DNAH8: variants seen among roughly 807,000 people sequenced by gnomAD.
The protein encoded by DNAH8 is axonemal beta dynein heavy chain 8.
A neutral mutation model predicts 562.1 loss-of-function variants in DNAH8; 382 were observed. That is an observed-to-expected ratio of 0.68 (90% CI 0.63 to 0.74). The LOEUF (loss-of-function observed/expected upper bound fraction) is 0.74, where lower values mean the gene tolerates loss of function less well. DNAH8 is among the 30% of genes least tolerant of loss of function. The probability of loss-of-function intolerance (pLI) is 0.00; values close to 1 mark genes in which losing one functional copy is unlikely to be tolerated. For missense variants in DNAH8, 5,203 were observed against 5,620.4 expected, an observed-to-expected ratio of 0.93 and a Z score of 2.37; for synonymous variants, 1,881 against 1,919.4, an observed-to-expected ratio of 0.98 and a Z score of 0.52.
intron 26 of DNAH8, 32 bp from the exon 27 acceptor site, chr6:38,822,806 G>C (rs1173305191): frequency 2.8e-6 from 4 of 1,434,276 alleles, no homozygotes; most frequent in Non-Finnish European, 3.7e-6. Context: ...GAATATAGAA[G>C]TTATTTATAG....
chr6:38,782,784 C>G (rs562586520), intron 16 of DNAH8, among the ~76,000 whole-genome samples: 1 of 152,076 alleles, frequency 6.6e-6, no homozygotes, highest in Admixed American at 6.6e-5. Flanking sequence ...CTTTCTAAAC[C>G]CTTTGTTTCC....
chr6:38,780,187 A>G, intron 15 of DNAH8, 122 bp downstream of exon 15: 1 of 918,818 alleles, frequency 1.1e-6, no homozygotes, highest in Non-Finnish European at 1.6e-6. Flanking sequence ...GCTAAGGAGC[A>G]TTGACGCTCC....
At chr6:38,982,903 A>G (rs1337141381) in intron 86 of DNAH8, among the ~76,000 whole-genome samples, 1 of 152,268 alleles carries the variant, frequency 6.6e-6, no homozygotes, top group Non-Finnish European at 1.5e-5. Context: ...ATTCATCATC[A>G]TATGACACTT....
In DNAH8 at chr6:38,782,918, T is replaced by C. The variant is rs1768781214; in HGVS notation, c.2260-86T>C. 5 of 1,222,586 alleles carry C rather than the reference T, an allele frequency of 4.1e-6. No individual in the cohort carries two copies. In the East Asian group the frequency reaches 7.4e-5, roughly 18 times the overall value. The allele number at this position is 1,222,586 out of a possible 1,614,324, so 75.7% of individuals were successfully genotyped here. A position where few individuals can be genotyped will look rare whatever the true frequency, so the allele number is the denominator to read the frequency against. ...AAACTGGTAGCATAATTATTTGATATCATTTTACATATAAGTACTTTCATT... is the reference window on the plus strand; with the variant it reads ...AAACTGGTAGCATAATTATTTGATACCATTTTACATATAAGTACTTTCATT... On this transcript the variant is annotated intron_variant, in intron 16 of 92. Coordinates refer to ENST00000327475, the MANE Select transcript of DNAH8 (RefSeq NM_001206927.2).
At chr6:38,754,487 T>C (rs11966033) in intron 9 of DNAH8, among the ~76,000 whole-genome samples, 4,874 of 152,296 alleles carry the variant, frequency 0.032, 244 homozygotes, top group African/African-American at 0.11. Context: ...TCCATAGTTA[T>C]ACCCCACACC....
Position 38,737,799 on chromosome 6 carries a change from T to C in DNAH8, c.953-10T>C. ...AAATTAGTATTAAATGTCTTTTTTT[T>C]CCTTTTTAGGTGCTAGAATAAGTAT... On this transcript the variant is annotated splice_polypyrimidine_tract_variant and intron_variant, in intron 6 of 92. Coordinates refer to ENST00000327475, the MANE Select transcript of DNAH8 (RefSeq NM_001206927.2). The C allele has an allele frequency of 1.4e-6, 2 of 1,396,346 alleles. No individual in the cohort carries two copies. The highest frequency in any genetic ancestry group is 1.9e-6 in the Non-Finnish European group (2 of 1,064,166). The allele number at this position is 1,396,346 out of a possible 1,614,324, so 86.5% of individuals were successfully genotyped here.
In DNAH8 at chr6:38,770,513, T is replaced by C. The variant is rs764722886; in HGVS notation, c.1718T>C (p.Met573Thr). The C allele has an allele frequency of 1.9e-6, 3 of 1,604,276 alleles. No homozygotes were observed. The highest frequency in any genetic ancestry group is 1.3e-5 in the African/African-American group (1 of 74,202). Residue 573 changes from methionine to threonine, a missense_variant, in exon 12 of 93, where the codon ATG becomes ACG. Met to Thr is a moderately conservative substitution (Grantham distance 81). Transcript: ENST00000327475. ...SGEKSFEVSEMYIFGKFEAFC... is the reference protein window; with the variant it reads ...SGEKSFEVSETYIFGKFEAFC... Reference sequence around the variant, plus strand: ...GAAAAATCTTTTGAGGTTTCAGAAATGTATATATTTGGAAAATTTGAAGCT... The same window carrying C: ...GAAAAATCTTTTGAGGTTTCAGAAACGTATATATTTGGAAAATTTGAAGCT...
At chr6:38,820,224 CA>C (rs1331835050) in intron 26 of DNAH8, among the ~76,000 whole-genome samples, 2 of 151,976 alleles carry the variant, frequency 1.3e-5, no homozygotes, top group Non-Finnish European at 2.9e-5. Flanking sequence ...TTTAGTGATC[CA>C]AAGATAGATA....
chr6:38,778,517 T>A, intron 14 of DNAH8, 53 bp downstream of exon 14: 1 of 1,095,524 alleles, frequency 9.1e-7, no homozygotes, highest in South Asian at 1.4e-5. Flanking sequence ...ACTTTAAATC[T>A]AAAAATACAA....
At position 38,873,247 on chromosome 6, in the gene DNAH8, GA is replaced by G. The variant is rs1777609411; in HGVS notation, c.7494del (p.Lys2498AsnfsTer11). On this transcript the variant is annotated frameshift_variant, in exon 52 of 93. Coordinates refer to ENST00000327475, the MANE Select transcript of DNAH8 (RefSeq NM_001206927.2). LOFTEE classifies it high-confidence loss of function. ...WRPILQAWLK[K>X]RTAQEAAVFL... ...TTTCTTTGTTGCAGGCATGGTTGAA[GA>G]AACGCACTGCACAGGAAGCTGCTGT... 23 of 1,613,114 alleles carry G rather than the reference GA, an allele frequency of 1.4e-5. No individual in the cohort carries two copies. The highest frequency in any genetic ancestry group is 2.7e-5 in the African/African-American group (2 of 74,876).
At position 38,883,841 on chromosome 6, in the gene DNAH8, C is replaced by T. The variant is rs772768319; in HGVS notation, c.8137-35C>T. On this transcript the variant is annotated intron_variant, in intron 55 of 92. Transcript: ENST00000327475. ...TATTTTTAGAAGTATGGATTAAAAT[C>T]TAATGCATAAGACAAAACGTTTCCT... 3 of 1,477,918 alleles carry T rather than the reference C, an allele frequency of 2.0e-6. No homozygotes were observed. The East Asian group carries it at 7.5e-5, about 37-fold the overall frequency. 91.6% of individuals were successfully genotyped at this position (1,477,918 alleles called of 1,614,324 possible).
intron 8 of DNAH8, among the ~76,000 whole-genome samples, chr6:38,742,930 A>ATAG (rs1764631509): frequency 6.6e-6 from 1 of 150,386 alleles, no homozygotes; most frequent in South Asian, 2.1e-4. Flanking sequence ...CCCACCCCTG[A>ATAG]TAGTATATCT....
chr6:38,954,236 G>A (rs771605818), intron 82 of DNAH8, among the ~76,000 whole-genome samples: 1 of 152,118 alleles, frequency 6.6e-6, no homozygotes, highest in African/African-American at 2.4e-5. Context: ...ACTGGAGGAG[G>A]GAGGTCTCAG....
chr6:38,944,276 G>C (rs1783676788), intron 79 of DNAH8, among the ~76,000 whole-genome samples: 1 of 152,150 alleles, frequency 6.6e-6, no homozygotes, highest in Non-Finnish European at 1.5e-5. Context: ...TTTACACATT[G>C]TTCTAAAGGT....
rs139173357 is a variant in DNAH8, at chr6:39,025,430, A to G, written c.13715-1116A>G. Among the ~76,000 whole-genome samples the G allele has an allele frequency of 1.0e-3, 153 of 152,302 alleles. 3 individuals are homozygous for G. In the East Asian group the frequency reaches 0.022, roughly 22 times the overall value. On this transcript the variant is annotated intron_variant, in intron 91 of 92. Coordinates refer to ENST00000327475, the MANE Select transcript of DNAH8 (RefSeq NM_001206927.2). The stretch of plus-strand genomic sequence containing the variant: ...TCCCACATAGTGCAGGGCTTGGTAC[A>G]TGGTGGCCACTTCAGCAAGGTTTGA...
In DNAH8 at chr6:38,898,334, C is replaced by A; in HGVS notation, c.9017C>A (p.Ser3006Tyr). The change falls in exon 61 of 93, where the codon TCT (serine) becomes TAT (tyrosine). Residue 3006 changes from serine (S) to tyrosine (Y), a missense_variant. Ser to Tyr is a moderately radical substitution (Grantham distance 144). Around this residue, in one of 6 missense-constraint regions of DNAH8, gnomAD observed 977 missense variants for 1,061.8 expected, o/e 0.92. Transcript: ENST00000327475. ...RQFNEIIRGT[S>Y]LDLVFFKDAM... ...TTCAATGAAATCATTAGAGGAACAT[C>A]TCTTGATCTGGTGTTTTTTAAAGAT... The A allele has an allele frequency of 6.3e-7, 1 of 1,586,088 alleles. No individual in the cohort carries two copies. The highest frequency in any genetic ancestry group is 8.5e-7 in the Non-Finnish European group (1 of 1,171,492).
In DNAH8 at chr6:38,783,012, A is replaced by G. The variant is rs1415194338; in HGVS notation, c.2268A>G (p.Ser756=). The change falls in exon 17 of 93, where the codon TCA becomes TCG. Residue 756 remains serine (S), a synonymous_variant. Coordinates refer to ENST00000327475, the MANE Select transcript of DNAH8 (RefSeq NM_001206927.2). The part of the protein sequence containing the change: ...SEPINYFFKN[S]DILSSPDGKA... Reference sequence around the variant, plus strand: ...TTCCCTTAAAAAAACAGAAAAACTCAGACATTTTATCAAGTCCGGACGGTA... The same window carrying G: ...TTCCCTTAAAAAAACAGAAAAACTCGGACATTTTATCAAGTCCGGACGGTA... The G allele has an allele frequency of 1.2e-6, 2 of 1,610,860 alleles. No individual in the cohort carries two copies. The highest frequency in any genetic ancestry group is 3.4e-5 in the Admixed American group (2 of 59,130).
At chr6:38,879,048 T>C (rs1293615215) in intron 53 of DNAH8, among the ~76,000 whole-genome samples, 1 of 152,022 alleles carries the variant, frequency 6.6e-6, no homozygotes, top group African/African-American at 2.4e-5. Context: ...GAAATAGATA[T>C]CCTAAATAGC....
intron 18 of DNAH8, among the ~76,000 whole-genome samples, chr6:38,787,182 A>G (rs1479199551): frequency 2.0e-5 from 3 of 152,102 alleles, no homozygotes; most frequent in Non-Finnish European, 1.5e-5. Flanking sequence ...GTTTCTGGAT[A>G]ATGACTGACG....
Sources: gnomAD v4.1 joint callset for allele counts (sites outside exome capture counted in the v4.1 genomes callset) on GRCh38, gnomAD v4.1.1 for gene constraint, gnomAD v4.1.1 regional missense constraint, MANE v1.5 for transcripts, NCBI Gene and HGNC (gene_info 2026-07-23, HGNC 2026-07-21) for gene names.